GBA1: variants seen among roughly 807,000 people sequenced by gnomAD.
GBA1 encodes glucosylceramidase beta 1, also known as lysosomal acid glucosylceramidase.
the GBA1 span, chr1:155,238,562 G>A: frequency 1.3e-5 from 21 of 1,613,522 alleles, no homozygotes; most frequent in South Asian, 2.1e-4. Context: ...TGTGCAACTG[G>A]AAATCATCAG....
chr1:155,238,200 C>T, the GBA1 span: 17 of 1,614,058 alleles, frequency 1.1e-5, no homozygotes, highest in Non-Finnish European at 1.4e-5. Flanking sequence ...TGACCCCTTC[C>T]CATTCACCGC....
the GBA1 span, chr1:155,238,799 G>C: frequency 1.4e-5 from 16 of 1,112,386 alleles, no homozygotes; most frequent in Non-Finnish European, 1.9e-5. Context: ...CTGGCACCTG[G>C]GTGAAGCGCA....
chr1:155,237,726 AC>A, the GBA1 span: 2 of 1,509,592 alleles, frequency 1.3e-6, no homozygotes, highest in Non-Finnish European at 1.8e-6. Flanking sequence ...GCCTGGCGAA[AC>A]CCCGTCTCTA....
the GBA1 span, among the ~76,000 whole-genome samples, chr1:155,241,963 T>G: frequency 6.6e-6 from 1 of 152,166 alleles, no homozygotes; most frequent in African/African-American, 2.4e-5. Flanking sequence ...AACCAAAGTG[T>G]TGTACAAAGC....
the GBA1 span, chr1:155,237,891 G>A: frequency 1.3e-4 from 81 of 632,966 alleles, no homozygotes; most frequent in Non-Finnish European, 1.9e-4. Context: ...GACAGAGAGA[G>A]AGACTCCTTC....
the GBA1 span, chr1:155,235,744 A>G: frequency 6.2e-7 from 1 of 1,614,152 alleles, no homozygotes; most frequent in East Asian, 2.2e-5. Context: ...GATGTCTACA[A>G]TGATGGGACT....
chr1:155,242,018 C>T, the GBA1 span, among the ~76,000 whole-genome samples: 1 of 152,162 alleles, frequency 6.6e-6, no homozygotes, highest in African/African-American at 2.4e-5. Context: ...ATGGTGTGGC[C>T]TCATGAACCA....
the GBA1 span, chr1:155,238,347 G>C: frequency 6.5e-7 from 1 of 1,536,852 alleles, no homozygotes; most frequent in African/African-American, 1.4e-5. Context: ...CCCAGAGTTG[G>C]AACACATACT....
chr1:155,239,703 C>T, the GBA1 span: 1 of 1,614,084 alleles, frequency 6.2e-7, no homozygotes, highest in Non-Finnish European at 8.5e-7. Context: ...TCTGTCATGG[C>T]CCCTCCAAAT....
chr1:155,235,347 G>A, the GBA1 span: 3 of 1,604,414 alleles, frequency 1.9e-6, no homozygotes, highest in South Asian at 1.1e-5. Flanking sequence ...GTCCCTCGGG[G>A]TACCTCCCAT....
At chr1:155,241,282 T>C in the GBA1 span, 1 of 683,640 alleles carries the variant, frequency 1.5e-6, no homozygotes, top group South Asian at 1.6e-5. Flanking sequence ...ATGTGATGAC[T>C]AGGAGCGTCA....
the GBA1 span, chr1:155,236,504 A>C: frequency 2.0e-6 from 3 of 1,533,824 alleles, no homozygotes; most frequent in African/African-American, 1.4e-5. Flanking sequence ...TGGACCTTGC[A>C]CACAGGCTTC....
chr1:155,236,529 C>T, the GBA1 span: 1 of 1,346,534 alleles, frequency 7.4e-7, no homozygotes, highest in Non-Finnish European at 1.1e-6. Context: ...ACTTCTAGTT[C>T]CTGTTGTAGG....
the GBA1 span, chr1:155,239,598 T>C: frequency 1.2e-6 from 2 of 1,614,126 alleles, no homozygotes; most frequent in Non-Finnish European, 1.7e-6. Flanking sequence ...TATGTCATCT[T>C]GTCCCCTTCC....
the GBA1 span, chr1:155,241,394 T>C: frequency 1.5e-5 from 8 of 535,800 alleles, no homozygotes; most frequent in African/African-American, 7.5e-5. Context: ...CTGGAGGGCA[T>C]GTATGGGTGA....
chr1:155,236,812 T>C, the GBA1 span, among the ~76,000 whole-genome samples: 6 of 152,096 alleles, frequency 3.9e-5, no homozygotes, highest in South Asian at 1.0e-3. Flanking sequence ...TATAAACACA[T>C]ATATATGTAT....
At chr1:155,237,322 A>G in the GBA1 span, 12 of 1,613,806 alleles carry the variant, frequency 7.4e-6, no homozygotes, top group Admixed American at 1.7e-5. Context: ...CTGGAGCACC[A>G]TGGAGGTCCA....
chr1:155,237,632 T>C, the GBA1 span: 5 of 1,603,174 alleles, frequency 3.1e-6, no homozygotes, highest in South Asian at 4.5e-5. Context: ...CCAGACCAGC[T>C]GGGTGTGGTG....
At chr1:155,237,169 C>G in the GBA1 span, among the ~76,000 whole-genome samples, 1 of 152,056 alleles carries the variant, frequency 6.6e-6, no homozygotes, top group South Asian at 2.1e-4. Flanking sequence ...CTCGCCCAGC[C>G]CCTAGAAAGG....
Sources: allele counts gnomAD v4.1 joint callset (sites outside exome capture counted in the v4.1 genomes callset), GRCh38; gene constraint gnomAD v4.1.1; transcripts MANE v1.5; gene names NCBI Gene and HGNC (gene_info 2026-07-23, HGNC 2026-07-21).